CHD9: variants seen among roughly 807,000 people sequenced by gnomAD.
The protein encoded by CHD9 is ATP-dependent chromatin remodeler CHD9.
A neutral mutation model predicts 316.1 loss-of-function variants in CHD9; 77 were observed. The observed-to-expected ratio is 0.24, with a 90% CI of 0.20 to 0.29. The LOEUF is 0.29. Among genes scored for constraint, CHD9 ranks in the 10% least tolerant of loss-of-function variants. The pLI is 1.00. For missense variants in CHD9, 2,763 were observed against 3,438.1 expected (o/e 0.80, Z 4.91); for synonymous variants, 1,129 against 1,158.3 (o/e 0.97, Z 0.51).
chr16:53,090,027 G>T (rs376759718), intron 1 of CHD9, among the ~76,000 whole-genome samples: 11 of 152,334 alleles, frequency 7.2e-5, no homozygotes, highest in African/African-American at 2.6e-4. Context: ...GGAGCCAAGA[G>T]CATCCTTTGC....
intron 1 of CHD9, among the ~76,000 whole-genome samples, chr16:53,154,636 A>T (rs1404493205): frequency 6.6e-6 from 1 of 152,210 alleles, no homozygotes; most frequent in Non-Finnish European, 1.5e-5. Context: ...AAGGGAGCAC[A>T]GCCTAGATCA....
chr16:53,130,649 A>C (rs920712369), intron 1 of CHD9, among the ~76,000 whole-genome samples: 1 of 151,318 alleles, frequency 6.6e-6, no homozygotes, highest in Non-Finnish European at 1.5e-5. Context: ...CTCCGGGAGT[A>C]ACCGCGCCAG....
chr16:53,193,804 A>G (rs558792858), intron 2 of CHD9, among the ~76,000 whole-genome samples: 1 of 152,198 alleles, frequency 6.6e-6, no homozygotes, highest in Non-Finnish European at 1.5e-5. Flanking sequence ...GTTAGATTAG[A>G]TACTATGATT....
intron 1 of CHD9, among the ~76,000 whole-genome samples, chr16:53,088,145 G>C (rs1191951144): frequency 6.6e-6 from 1 of 152,062 alleles, no homozygotes; most frequent in Non-Finnish European, 1.5e-5. Context: ...CAAGCTGACA[G>C]CATCAGTTCT....
At chr16:53,203,259 C>G (rs1597410620) in intron 2 of CHD9, among the ~76,000 whole-genome samples, 1 of 152,158 alleles carries the variant, frequency 6.6e-6, no homozygotes, top group East Asian at 1.9e-4. Flanking sequence ...ATTAAATTAT[C>G]TTTATAATAC....
At chr16:53,109,473 C>T (rs2093129266) in intron 1 of CHD9, among the ~76,000 whole-genome samples, 1 of 151,934 alleles carries the variant, frequency 6.6e-6, no homozygotes, top group African/African-American at 2.4e-5. Context: ...GCTGGGACTA[C>T]AGGCGTGCGC....
At chr16:53,266,666 C>T (rs137968573) in intron 20 of CHD9, among the ~76,000 whole-genome samples, 6 of 152,280 alleles carry the variant, frequency 3.9e-5, no homozygotes, top group African/African-American at 7.2e-5. Flanking sequence ...CCTTATTCAT[C>T]ATTATACCAC....
At chr16:53,223,176 G>T (rs1372634387) in intron 4 of CHD9, among the ~76,000 whole-genome samples, 1 of 151,152 alleles carries the variant, frequency 6.6e-6, no homozygotes, top group African/African-American at 2.4e-5. Flanking sequence ...CCTTTGGTCT[G>T]TTTTTGTGAA....
chr16:53,086,259 C>T (rs1458616861), intron 1 of CHD9, among the ~76,000 whole-genome samples: 2 of 152,148 alleles, frequency 1.3e-5, no homozygotes, highest in African/African-American at 4.8e-5. Context: ...GCTAGACTCA[C>T]TGTTTTCTTA....
At chr16:53,141,962 CAT>C (rs1041248637) in intron 1 of CHD9, among the ~76,000 whole-genome samples, 3 of 152,012 alleles carry the variant, frequency 2.0e-5, no homozygotes, top group African/African-American at 7.2e-5. Flanking sequence ...GTAGTGGAAA[CAT>C]AGATTACCTA....
chr16:53,226,150 G>C (rs2047634206), intron 4 of CHD9, among the ~76,000 whole-genome samples: 2 of 151,948 alleles, frequency 1.3e-5, no homozygotes, highest in Non-Finnish European at 2.9e-5. Context: ...TTTGTTGTTT[G>C]AAATTGTAGG....
chr16:53,121,534 G>T (rs116282188), intron 1 of CHD9: 206 of 414,954 alleles, frequency 5.0e-4, no homozygotes, highest in African/African-American at 4.1e-3. Context: ...GGATAAACTA[G>T]ATAAAACTTG....
chr16:53,172,357 A>G (rs1284315202), intron 2 of CHD9, among the ~76,000 whole-genome samples: 2 of 152,230 alleles, frequency 1.3e-5, no homozygotes, highest in Non-Finnish European at 2.9e-5. Context: ...TGCAAGTAAA[A>G]TAATTCATTC....
chr16:53,142,360 G>A (rs575827505), intron 1 of CHD9, among the ~76,000 whole-genome samples: 47 of 152,206 alleles, frequency 3.1e-4, no homozygotes, highest in African/African-American at 9.9e-4. Flanking sequence ...CCTTGCCCTC[G>A]CAAAGTGCTA....
intron 24 of CHD9, among the ~76,000 whole-genome samples, chr16:53,279,437 C>T (rs949269383): frequency 1.3e-5 from 2 of 152,080 alleles, no homozygotes; most frequent in South Asian, 4.1e-4. Flanking sequence ...GTGCAGTACA[C>T]CAACATGGCA....
At position 53,157,613 on chromosome 16, in the gene CHD9, T is replaced by C. The variant is rs2041609576; in HGVS notation, c.1452+72T>C. The C allele has an allele frequency of 2.2e-6, 3 of 1,376,484 alleles. No homozygotes were observed. The Admixed American group carries it at 7.0e-5, about 32-fold the overall frequency. 85.3% of individuals were successfully genotyped at this position (1,376,484 alleles called of 1,614,324 possible). On this transcript the variant is annotated intron_variant, in intron 2 of 38. Transcript: ENST00000447540. ...ACTGTTAGTCATTGGGTTAATTTTA[T>C]ATGAAACATAGTCAAGATTTCTCAA...
intron 30 of CHD9, among the ~76,000 whole-genome samples, chr16:53,301,873 T>C (rs2055469517): frequency 6.6e-6 from 1 of 151,554 alleles, no homozygotes; most frequent in South Asian, 2.1e-4. Flanking sequence ...CATGCCATTC[T>C]CCTGCCTCAG....
At chr16:53,086,675 C>G (rs2035488572) in intron 1 of CHD9, among the ~76,000 whole-genome samples, 1 of 152,144 alleles carries the variant, frequency 6.6e-6, no homozygotes, top group Non-Finnish European at 1.5e-5. Context: ...GAAGAAAGCA[C>G]AAAATGTTTT....
At chr16:53,096,402 A>G (rs1441578116) in intron 1 of CHD9, among the ~76,000 whole-genome samples, 1 of 152,196 alleles carries the variant, frequency 6.6e-6, no homozygotes, top group East Asian at 1.9e-4. Flanking sequence ...GATTTTTGCC[A>G]TAACATTTAT....
Sources: gnomAD v4.1 joint callset for allele counts (sites outside exome capture counted in the v4.1 genomes callset) on GRCh38, gnomAD v4.1.1 for gene constraint, MANE v1.5 for transcripts, NCBI Gene and HGNC (gene_info 2026-07-23, HGNC 2026-07-21) for gene names.